Variants in CYTH3 observed in about 807,000 individuals in gnomAD.
CYTH3 encodes the protein cytohesin-3.
Under a neutral mutation model 55.1 loss-of-function variants are expected in CYTH3, and 23 were observed. That is an observed-to-expected ratio of 0.42 (90% CI 0.30 to 0.59). The LOEUF (loss-of-function observed/expected upper bound fraction) is 0.59. Among genes scored for constraint, CYTH3 ranks in the 20% least tolerant of loss-of-function variants. CYTH3 has a pLI of 0.20. For missense variants in CYTH3, 413 were observed against 524.8 expected (o/e 0.79, Z 2.08); for synonymous variants, 249 against 194.9 (o/e 1.28, Z -2.31).
chr7:6,241,875 G>A (rs1476834286), intron 1 of CYTH3, among the ~76,000 whole-genome samples: 1 of 152,176 alleles, frequency 6.6e-6, no homozygotes, highest in Non-Finnish European at 1.5e-5. Flanking sequence ...TGAAAAAGGT[G>A]AGGTGTAACA....
At chr7:6,182,323 T>A (rs1783525304) in intron 4 of CYTH3, among the ~76,000 whole-genome samples, 1 of 152,194 alleles carries the variant, frequency 6.6e-6, no homozygotes, top group African/African-American at 2.4e-5. Flanking sequence ...GTGCTCGGAT[T>A]ACAGGCGTGA....
At chr7:6,203,740 A>G (rs1001947890) in intron 1 of CYTH3, among the ~76,000 whole-genome samples, 3 of 150,610 alleles carry the variant, frequency 2.0e-5, no homozygotes, top group Non-Finnish European at 3.0e-5. Flanking sequence ...TTTTTTGGAG[A>G]CAGAGTCTCG....
At chr7:6,201,758 G>C (rs1263486582) in intron 1 of CYTH3, among the ~76,000 whole-genome samples, 2 of 152,206 alleles carry the variant, frequency 1.3e-5, no homozygotes, top group South Asian at 2.1e-4. Flanking sequence ...TTCGAAGGCG[G>C]AGCGGATAGA....
chr7:6,197,138 T>C (rs1326198611), intron 1 of CYTH3, among the ~76,000 whole-genome samples: 2 of 152,192 alleles, frequency 1.3e-5, no homozygotes, highest in African/African-American at 4.8e-5. Flanking sequence ...AATCAAAGGA[T>C]TTCCTTGATT....
At chr7:6,230,745 AC>A (rs1293317219) in intron 1 of CYTH3, among the ~76,000 whole-genome samples, 1 of 152,244 alleles carries the variant, frequency 6.6e-6, no homozygotes, top group African/African-American at 2.4e-5. Context: ...CAAGTCTACA[AC>A]ATAGTAAATG....
At chr7:6,265,033 G>T (rs115046306) in intron 1 of CYTH3, among the ~76,000 whole-genome samples, 3,214 of 152,288 alleles carry the variant, frequency 0.021, 112 homozygotes, top group African/African-American at 0.073. Flanking sequence ...CCACATGCAG[G>T]TATCTAAGAG....
chr7:6,240,942 C>T (rs1201462872), intron 1 of CYTH3, among the ~76,000 whole-genome samples: 1 of 151,306 alleles, frequency 6.6e-6, no homozygotes, highest in African/African-American at 2.4e-5. Context: ...GGTGAAACCC[C>T]GTCTCTGCTG....
At chr7:6,209,581 C>G (rs1291450248) in intron 1 of CYTH3, among the ~76,000 whole-genome samples, 1 of 152,208 alleles carries the variant, frequency 6.6e-6, no homozygotes, top group East Asian at 1.9e-4. Flanking sequence ...GCTCAACAGC[C>G]TTACAATACG....
intron 1 of CYTH3, among the ~76,000 whole-genome samples, chr7:6,270,215 T>C (rs929701525): frequency 2.0e-5 from 3 of 152,194 alleles, no homozygotes; most frequent in Non-Finnish European, 4.4e-5. Context: ...ACAATATCAC[T>C]CATATTTCAA....
intron 4 of CYTH3, among the ~76,000 whole-genome samples, chr7:6,180,757 G>A (rs1003757173): frequency 3.3e-5 from 5 of 152,208 alleles, no homozygotes; most frequent in Admixed American, 2.6e-4. Flanking sequence ...AAGTCAAACA[G>A]CAGAAATGGG....
chr7:6,260,932 A>G (rs941281930), intron 1 of CYTH3, among the ~76,000 whole-genome samples: 1 of 152,214 alleles, frequency 6.6e-6, no homozygotes, highest in Non-Finnish European at 1.5e-5. Flanking sequence ...TATCTCACTA[A>G]CAAGTCCATT....
At chr7:6,188,348 CA>C in intron 2 of CYTH3, among the ~76,000 whole-genome samples, 1 of 140,930 alleles carries the variant, frequency 7.1e-6, no homozygotes, top group South Asian at 2.2e-4. Context: ...TTAAAAAAAA[CA>C]AAAAAACAAA....
At chr7:6,175,296 C>CG (rs1783316282) in intron 5 of CYTH3, among the ~76,000 whole-genome samples, 1 of 152,074 alleles carries the variant, frequency 6.6e-6, no homozygotes. Flanking sequence ...CCACCATGCC[C>CG]GGCCAGCCTT....
chr7:6,213,551 T>G (rs747606068), intron 1 of CYTH3, among the ~76,000 whole-genome samples: 33 of 152,080 alleles, frequency 2.2e-4, no homozygotes, highest in Non-Finnish European at 2.9e-4. Flanking sequence ...TGTTTGTTTG[T>G]TTGGTTTTGT....
At chr7:6,251,391 G>C (rs1324803516) in intron 1 of CYTH3, among the ~76,000 whole-genome samples, 1 of 151,404 alleles carries the variant, frequency 6.6e-6, no homozygotes, top group Admixed American at 6.6e-5. Context: ...GAGACATGTA[G>C]GAAGTTTCTT....
At chr7:6,259,766 T>TA (rs1780251059) in intron 1 of CYTH3, among the ~76,000 whole-genome samples, 2 of 24,750 alleles carry the variant, frequency 8.1e-5, no homozygotes, top group African/African-American at 7.6e-4. Flanking sequence ...ATTATATATA[T>TA]ATATATTATA....
At chr7:6,257,913 T>C (rs142314640) in intron 1 of CYTH3, among the ~76,000 whole-genome samples, 4 of 152,148 alleles carry the variant, frequency 2.6e-5, no homozygotes, top group African/African-American at 9.6e-5. Flanking sequence ...CCGCTGGTCA[T>C]CCTCAGGGTG....
chr7:6,263,424 C>T (rs1174486100), intron 1 of CYTH3, among the ~76,000 whole-genome samples: 2 of 152,160 alleles, frequency 1.3e-5, no homozygotes, highest in East Asian at 1.9e-4. Flanking sequence ...GATAAACTCA[C>T]ATTTGTGAGG....
At chr7:6,190,092 C>G (rs1484697889) in intron 2 of CYTH3, among the ~76,000 whole-genome samples, 1 of 152,110 alleles carries the variant, frequency 6.6e-6, no homozygotes, top group East Asian at 1.9e-4. Context: ...GAAAGAGGGT[C>G]TCAGTGCACA....
Sources: allele counts gnomAD v4.1 joint callset (sites outside exome capture counted in the v4.1 genomes callset), GRCh38; gene constraint gnomAD v4.1.1; transcripts MANE v1.5; gene names NCBI Gene and HGNC (gene_info 2026-07-23, HGNC 2026-07-21).